Variants in BRS3 observed in about 807,000 individuals in gnomAD.
BRS3 encodes the protein bombesin receptor subtype 3, also known as bombesin receptor subtype-3.
A neutral mutation model predicts 18.8 loss-of-function variants in BRS3; 5 were observed. The observed-to-expected ratio is 0.27, with a 90% CI of 0.14 to 0.56. The LOEUF (loss-of-function observed/expected upper bound fraction) is 0.56. Among genes scored for constraint, BRS3 ranks in the 20% least tolerant of loss-of-function variants. The pLI, the probability that BRS3 is intolerant of heterozygous loss-of-function variation, is 0.93. For missense variants in BRS3, 215 were observed against 296.3 expected, an observed-to-expected ratio of 0.73 and a Z score of 2.01; for synonymous variants, 121 against 115.0, an observed-to-expected ratio of 1.05 and a Z score of -0.33.
chrX:136,492,450 C>A lies in BRS3; in HGVS notation c.*75C>A. The A allele has an allele frequency of 9.5e-7, 1 of 1,048,946 alleles. No individual in the cohort carries two copies. The highest frequency in any genetic ancestry group is 1.3e-6 in the Non-Finnish European group (1 of 793,887). 86.4% of individuals were successfully genotyped at this position (1,048,946 alleles called of 1,213,427 possible). ...TAAGCTGTGTGCAGGTGTATGGTGT[C>A]CAGATTTTTGTTGTTTGAAAAGTGT... is the stretch of plus-strand genomic sequence containing the variant. On this transcript the variant is annotated 3_prime_UTR_variant, in exon 3 of 3. Transcript: ENST00000370648.
intron 1 of BRS3, 22 bp from the exon 2 acceptor site, chrX:136,490,111 G>C (rs766755736): frequency 8.7e-7 from 1 of 1,148,763 alleles, no homozygotes; most frequent in East Asian, 3.0e-5. Flanking sequence ...TTGGACCTTT[G>C]CCTCTGATTA....
Position 136,492,156 on chromosome X carries a change from C to T in BRS3, c.981C>T (p.Pro327=), listed in dbSNP as rs2075672879. 1 of 1,211,114 alleles carries T rather than the reference C, an allele frequency of 8.3e-7. No individual in the cohort carries two copies. The highest frequency in any genetic ancestry group is 1.1e-6 in the Non-Finnish European group (1 of 895,367). Reference sequence around the variant, plus strand: ...CTTTCAGCAATTCTTGCGTAAACCCCTTTGCTCTCTACTGGCTGAGCAAAA... The same window carrying T: ...CTTTCAGCAATTCTTGCGTAAACCCTTTTGCTCTCTACTGGCTGAGCAAAA... ...VLAFSNSCVN[P]FALYWLSKSF... Residue 327 remains proline (P), a synonymous_variant, in exon 3 of 3, where the codon CCC becomes CCT. Transcript: ENST00000370648.
chrX:136,489,906 A>G (rs977447831), intron 1 of BRS3, among the ~76,000 whole-genome samples: 1 of 111,966 alleles, frequency 8.9e-6, no homozygotes, highest in African/African-American at 3.2e-5. Flanking sequence ...CAAATCTGGA[A>G]TATCTCATAG....
chrX:136,490,523 T>C (rs1343582018), intron 2 of BRS3, 39 bp downstream of exon 2: 1 of 1,031,862 alleles, frequency 9.7e-7, no homozygotes, highest in East Asian at 3.1e-5. Flanking sequence ...CTAGTTTGAA[T>C]TTAGAAGTGA....
At position 136,488,217 on chromosome X, in the gene BRS3, G is replaced by T; in HGVS notation, c.103G>T (p.Gly35Ter). ...SVVSNDNTNK[G>*]WSGDNSPGIE... is the part of the protein sequence containing the mutation. ...GGTTTCTAACGATAACACAAATAAA[G>T]GATGGAGCGGGGACAACTCTCCAGG... The change falls in exon 1 of 3, where the codon GGA becomes TGA. Residue 35 changes from glycine to a stop codon, truncating the protein, a stop_gained. Transcript: ENST00000370648. LOFTEE classifies it high-confidence loss of function. 2 of 1,211,437 alleles carry T rather than the reference G, an allele frequency of 1.7e-6. No individual in the cohort carries two copies. The highest frequency in any genetic ancestry group is 2.2e-6 in the Non-Finnish European group (2 of 895,322).
intron 1 of BRS3, among the ~76,000 whole-genome samples, chrX:136,488,933 A>C (rs1373599875): frequency 8.9e-6 from 1 of 112,090 alleles, no homozygotes; most frequent in East Asian, 2.8e-4. Context: ...GAAAACCAGG[A>C]TAGGTGTGAA....
At chrX:136,491,272 A>C (rs766872407) in intron 2 of BRS3, among the ~76,000 whole-genome samples, 21 of 112,258 alleles carry the variant, frequency 1.9e-4, no homozygotes, top group African/African-American at 6.8e-4. Context: ...TTAGTTTAAC[A>C]ATGGTGCTCA....
chrX:136,491,041 G>A (rs140342398), intron 2 of BRS3, among the ~76,000 whole-genome samples: 57 of 111,381 alleles, frequency 5.1e-4, no homozygotes, highest in African/African-American at 1.8e-3. Flanking sequence ...CAAGTAGCAC[G>A]AGAACACAGT....
rs1322259487 is a variant in BRS3 at position 136,491,892 on chromosome X, T to TTTG, written c.787-58_787-56dup. Reference sequence around the variant, plus strand: ...TCTCACAGCTAAATGTTTTGTTTTTTTTGTTGTTGTTGTTTTTTGTGTTTT... The same window carrying TTTG: ...TCTCACAGCTAAATGTTTTGTTTTTTTTGTTGTTGTTGTTGTTTTTTGTGTTTT... On this transcript the variant is annotated intron_variant, in intron 2 of 2. Transcript: ENST00000370648. 3.1e-6 allele frequency: 3 copies of TTTG among 956,427 alleles called. No homozygotes were observed. In the East Asian group the frequency reaches 1.1e-4, roughly 34 times the overall value. 78.8% of individuals were successfully genotyped at this position (956,427 alleles called of 1,213,427 possible). A position where few individuals can be genotyped will look rare whatever the true frequency, so the allele number is the denominator to read the frequency against.
chrX:136,492,396 C>T lies in BRS3; in HGVS notation c.*21C>T, dbSNP rs760173136. 1.7e-6 allele frequency: 2 copies of T among 1,182,726 alleles called. No homozygotes were observed. The highest frequency in any genetic ancestry group is 1.8e-5 in the African/African-American group (1 of 56,827). On this transcript the variant is annotated 3_prime_UTR_variant, in exon 3 of 3. Transcript: ENST00000370648. ...TCTAGCTTTTCAAGGAAAAATGCTG[C>T]TTCTCCTCCCAGCGTGTGTATCCGA...
At position 136,490,454 on chromosome X, in the gene BRS3, T is replaced by C; in HGVS notation, c.756T>C (p.Pro252=). The change falls in exon 2 of 3, where the codon CCT becomes CCC. Residue 252 remains proline (P), a synonymous_variant. Transcript: ENST00000370648. ...TTTACAAAAGCACCCTGAACATACCTACTGAGGAACAAAGCCATGCCCGTA... is the reference window on the plus strand; with the variant it reads ...TTTACAAAAGCACCCTGAACATACCCACTGAGGAACAAAGCCATGCCCGTA... ...RTLYKSTLNI[P]TEEQSHARKQ... is the part of the protein sequence containing the mutation. 1.7e-6 allele frequency: 2 copies of C among 1,181,171 alleles called. No homozygotes were observed. The highest frequency in any genetic ancestry group is 2.3e-6 in the Non-Finnish European group (2 of 876,928).
intron 2 of BRS3, among the ~76,000 whole-genome samples, chrX:136,490,732 G>A (rs921305477): frequency 2.2e-4 from 25 of 111,805 alleles, no homozygotes; most frequent in Non-Finnish European, 5.6e-5. Flanking sequence ...ATTACTAGAT[G>A]ATATAGATGA....
chrX:136,491,081 C>A (rs762241158), intron 2 of BRS3, among the ~76,000 whole-genome samples: 48 of 111,680 alleles, frequency 4.3e-4, no homozygotes, highest in African/African-American at 1.5e-3. Context: ...AAGACCACTG[C>A]AAGAGCCACG....
rs1378355131 is a variant in BRS3 at position 136,491,947 on chromosome X, T to G, written c.787-15T>G. On this transcript the variant is annotated splice_polypyrimidine_tract_variant and intron_variant, in intron 2 of 2. Transcript: ENST00000370648. The stretch of plus-strand genomic sequence containing the variant: ...TTTTTTTTTTTTTTTTTTGCTATGT[T>G]TCTTCCCCCTATAGATTGAATCCCG... 4.6e-6 allele frequency: 4 copies of G among 871,420 alleles called. No homozygotes were observed. Among genetic ancestry groups the G allele is most frequent in the Middle Eastern group, 3.0e-4 (1 of 3,310 alleles). The allele number at this position is 871,420 out of a possible 1,213,427, so 71.8% of individuals were successfully genotyped here.
chrX:136,490,345 T>C lies in BRS3; in HGVS notation c.647T>C (p.Ile216Thr), dbSNP rs201594031. 1.4e-4 allele frequency: 165 copies of C among 1,206,217 alleles called. 2 individuals carry two copies. Among genetic ancestry groups the C allele is most frequent in the Admixed American group, 9.2e-4 (42 of 45,854 alleles). Residue 216 changes from isoleucine to threonine, a missense_variant, in exon 2 of 3, where the codon ATA becomes ACA. Ile to Thr is a moderately conservative substitution (Grantham distance 89, BLOSUM62 -1). Around this residue, in one of 3 missense-constraint regions of BRS3, gnomAD observed 123 missense variants for 207.6 expected, o/e 0.59. Transcript: ENST00000370648. ...GTCTCTAAGAAGCTCTTGCAAGAAATACATTCTCTGCTGTGCTTCTTAGTG... is the reference window on the plus strand; with the variant it reads ...GTCTCTAAGAAGCTCTTGCAAGAAACACATTCTCTGCTGTGCTTCTTAGTG... ...YPVSKKLLQE[I>T]HSLLCFLVFY...
intron 2 of BRS3, 119 bp from the exon 3 acceptor site, chrX:136,491,843 T>C (rs961588904): frequency 3.8e-6 from 3 of 799,495 alleles, no homozygotes; most frequent in Non-Finnish European, 5.0e-6. Context: ...TCTATGTAAA[T>C]TTATAGGATA....
rs2148516722 is a variant in BRS3, at chrX:136,488,476, A to G, written c.362A>G (p.Lys121Arg). The stretch of plus-strand genomic sequence containing the variant: ...TGGCTGTTCGGAAGAATTGGTTGTA[A>G]GGTGCTCTCTTTCATCCGGCTCACT... ...EGWLFGRIGC[K>R]VLSFIRLTSV... The change falls in exon 1 of 3, where the codon AAG becomes AGG. Residue 121 changes from lysine to arginine, a missense_variant. Physicochemically the swap from Lys to Arg is conservative, Grantham distance 26. Coordinates refer to ENST00000370648, the MANE Select transcript of BRS3 (RefSeq NM_001727.2). The G allele has an allele frequency of 8.3e-7, 1 of 1,211,993 alleles. No individual in the cohort carries two copies. Among genetic ancestry groups the G allele is most frequent in the East Asian group, 3.0e-5 (1 of 33,869 alleles).
At position 136,493,489 on chromosome X, in the gene BRS3, G is replaced by C. The variant is rs1312388650; in HGVS notation, c.*1114G>C. On this transcript the variant is annotated 3_prime_UTR_variant, in exon 3 of 3. Transcript: ENST00000370648. ...ACCTGTGGTTTCAGAAAAATTTTTG[G>C]AGCAAATTTAAACATGTTTGGCACT... is the stretch of plus-strand genomic sequence containing the variant. The C allele has an allele frequency of 9.0e-6, 1 of 111,035 alleles. No individual in the cohort carries two copies. Among genetic ancestry groups the C allele is most frequent in the Non-Finnish European group, 1.9e-5 (1 of 52,979 alleles). The allele number at this position is 111,035 out of a possible 1,213,427, so 9.2% of individuals were successfully genotyped here.
chrX:136,488,481 C>A lies in BRS3; in HGVS notation c.367C>A (p.Leu123Ile), dbSNP rs1569350526. The change falls in exon 1 of 3, where the codon CTC becomes ATC. Residue 123 changes from leucine (L) to isoleucine (I), a missense_variant. Physicochemically the swap from Leu to Ile is conservative, Grantham distance 5. Transcript: ENST00000370648. ...GTTCGGAAGAATTGGTTGTAAGGTG[C>A]TCTCTTTCATCCGGCTCACTTCTGT... ...WLFGRIGCKV[L>I]SFIRLTSVGV... 6.6e-6 allele frequency: 8 copies of A among 1,211,874 alleles called. No homozygotes were observed. The highest frequency in any genetic ancestry group is 8.9e-6 in the Non-Finnish European group (8 of 895,516).
Sources: gnomAD v4.1 joint callset for allele counts (sites outside exome capture counted in the v4.1 genomes callset) on GRCh38, gnomAD v4.1.1 for gene constraint, gnomAD v4.1.1 regional missense constraint, MANE v1.5 for transcripts, NCBI Gene and HGNC (gene_info 2026-07-23, HGNC 2026-07-21) for gene names.